The following SOX5 variants were observed in gnomAD, a reference collection of about 807,000 sequenced individuals.
SOX5 encodes SRY-box transcription factor 5, also known as transcription factor SOX-5.
SOX5 carries 9 observed loss-of-function variants against 92.0 expected under a neutral mutation model. That is an observed-to-expected ratio of 0.10 (90% CI 0.06 to 0.17). The LOEUF is 0.17. SOX5 is among the 10% of genes least tolerant of loss of function. SOX5 has a pLI of 1.00. For synonymous variants in SOX5, 344 were observed against 336.3 expected (o/e 1.02, Z -0.25); for missense variants, 642 against 944.5 (o/e 0.68, Z 4.20).
At chr12:24,227,701 T>G (rs952501032) in intron 3 of SOX5, 1 of 152,164 alleles carries the variant, frequency 6.6e-6, no homozygotes, top group African/African-American at 2.4e-5. Context: ...CATCTAATTA[T>G]CACATACAGG....
chr12:24,263,541 C>CAAAAAAAAAAAAAAAAA (rs528065569), intron 3 of SOX5, among the ~76,000 whole-genome samples: 1 of 112,032 alleles, frequency 8.9e-6, no homozygotes, highest in African/African-American at 3.5e-5. Flanking sequence ...AAAAAAAAAA[C>CAAAAAAAAAAAAAAAAA]AAAAAAAAAA....
chr12:24,399,703 A>G (rs1320981028), intron 1 of SOX5, among the ~76,000 whole-genome samples: 1 of 152,226 alleles, frequency 6.6e-6, no homozygotes, highest in Non-Finnish European at 1.5e-5. Flanking sequence ...GGAAGTATGC[A>G]TTTGGAAGCT....
At chr12:23,734,814 A>T (rs1296676695) in intron 5 of SOX5, 62 bp from the exon 6 acceptor site, 23 of 1,340,818 alleles carry the variant, frequency 1.7e-5, no homozygotes, top group Non-Finnish European at 2.4e-5. Context: ...GGAAGTTACT[A>T]ATGTTCTGTT....
chr12:23,887,917 A>ATGTGTGTG (rs61356582), intron 2 of SOX5, among the ~76,000 whole-genome samples: 40,440 of 144,550 alleles, frequency 0.28, 6,008 homozygotes, highest in East Asian at 0.49. Flanking sequence ...CAGTGTGTAT[A>ATGTGTGTG]TGTGTGTGTG....
At chr12:23,972,502 C>T (rs1009258791) in intron 4 of SOX5, among the ~76,000 whole-genome samples, 2 of 149,566 alleles carry the variant, frequency 1.3e-5, no homozygotes, top group East Asian at 2.0e-4. Flanking sequence ...GGATTACAGG[C>T]GCCCACCACT....
chr12:23,554,947 GAGA>G (rs1456642799), intron 11 of SOX5, among the ~76,000 whole-genome samples: 4 of 152,076 alleles, frequency 2.6e-5, no homozygotes, highest in African/African-American at 9.7e-5. Flanking sequence ...TGATCTTGAG[GAGA>G]AGAAGGAAAG....
intron 7 of SOX5, among the ~76,000 whole-genome samples, chr12:23,653,030 AGATGGATGGATGGATGGATG>A (rs377588371): frequency 8.6e-6 from 1 of 115,762 alleles, no homozygotes; most frequent in African/African-American, 3.4e-5. Flanking sequence ...ATGTACAGAT[AGATGGATGGATGGATGGATG>A]GATGGATGGA....
intron 4 of SOX5, among the ~76,000 whole-genome samples, chr12:23,974,793 A>T (rs1948730708): frequency 6.6e-6 from 1 of 152,194 alleles, no homozygotes; most frequent in African/African-American, 2.4e-5. Flanking sequence ...TGGTGATATG[A>T]AAATTAAGGA....
chr12:23,977,701 T>C (rs1949071596), intron 4 of SOX5, among the ~76,000 whole-genome samples: 1 of 148,846 alleles, frequency 6.7e-6, no homozygotes, highest in African/African-American at 2.5e-5. Context: ...TAAAAGGAGA[T>C]TGAAAGTGTT....
In SOX5 at chr12:24,468,439, G is replaced by A. The variant is rs1944453006; in HGVS notation, c.-251+93890C>T. Among the ~76,000 whole-genome samples, 3 of 152,028 alleles carry A rather than the reference G, an allele frequency of 2.0e-5. No homozygotes were observed. The South Asian group carries it at 6.2e-4, about 32-fold the overall frequency. Reference sequence around the variant, plus strand: ...AGCTCAGAGCATAATAAATACTATGGTAGTGCTAGGTTTTATAGATGTGAC... The same window carrying A: ...AGCTCAGAGCATAATAAATACTATGATAGTGCTAGGTTTTATAGATGTGAC... On this transcript the variant is annotated intron_variant, in intron 1 of 4. Coordinates refer to the SOX5 transcript ENST00000446891.
intron 4 of SOX5, among the ~76,000 whole-genome samples, chr12:24,025,551 A>G (rs889807773): frequency 6.6e-6 from 1 of 152,044 alleles, no homozygotes; most frequent in Non-Finnish European, 1.5e-5. Flanking sequence ...CTGGCCTTTT[A>G]ATATTCACAG....
intron 2 of SOX5, among the ~76,000 whole-genome samples, chr12:24,321,106 T>C (rs1391377594): frequency 6.6e-6 from 1 of 152,148 alleles, no homozygotes; most frequent in Admixed American, 6.5e-5. Flanking sequence ...TGTATGAGAA[T>C]GTTAGCCAGG....
At chr12:24,515,508 C>T (rs1439362197) in intron 1 of SOX5, among the ~76,000 whole-genome samples, 2 of 152,120 alleles carry the variant, frequency 1.3e-5, no homozygotes, top group South Asian at 4.1e-4. Context: ...TCTACCATAG[C>T]GTTTTCTCAC....
rs571603408 is a variant in SOX5, at chr12:23,862,672, C to T, written c.271-16479G>A. On this transcript the variant is annotated intron_variant, in intron 2 of 14. Coordinates refer to ENST00000451604, the MANE Select transcript of SOX5 (RefSeq NM_006940.6). ...GTACATTCCAACGAATAATAATTTA[C>T]GTTTTGCCTTATTCTTTCAATCTGA... Among the ~76,000 whole-genome samples the T allele has an allele frequency of 5.3e-5, 8 of 152,258 alleles. No homozygotes were observed. In the East Asian group the frequency reaches 5.8e-4, roughly 11 times the overall value.
chr12:23,598,852 G>A (rs1312184900), intron 9 of SOX5, among the ~76,000 whole-genome samples: 1 of 152,088 alleles, frequency 6.6e-6, no homozygotes, highest in Non-Finnish European at 1.5e-5. Context: ...ATAAAACATT[G>A]TCTCAAATTA....
intron 2 of SOX5, among the ~76,000 whole-genome samples, chr12:24,354,377 G>A (rs943591058): frequency 5.9e-5 from 9 of 152,380 alleles, no homozygotes; most frequent in East Asian, 1.9e-4. Context: ...TGCAGAAGGT[G>A]GGGGAGAAGG....
chr12:24,478,635 C>A (rs1312064910), intron 1 of SOX5, among the ~76,000 whole-genome samples: 1 of 152,130 alleles, frequency 6.6e-6, no homozygotes, highest in Non-Finnish European at 1.5e-5. Flanking sequence ...CAGTAGCATC[C>A]TTTTAGTTAC....
intron 7 of SOX5, among the ~76,000 whole-genome samples, chr12:23,663,721 C>T (rs1364262320): frequency 1.3e-5 from 2 of 151,430 alleles, no homozygotes; most frequent in East Asian, 1.9e-4. Context: ...AACAAAAAAC[C>T]TTCATGATTT....
intron 2 of SOX5, among the ~76,000 whole-genome samples, chr12:23,885,148 C>T (rs1248001901): frequency 1.3e-5 from 2 of 152,118 alleles, no homozygotes; most frequent in Admixed American, 1.3e-4. Context: ...CTCTCCTACT[C>T]CAGGATGTGT....
Sources: gnomAD v4.1 joint callset for allele counts (sites outside exome capture counted in the v4.1 genomes callset) on GRCh38, gnomAD v4.1.1 for gene constraint, MANE v1.5 for transcripts, NCBI Gene and HGNC (gene_info 2026-07-23, HGNC 2026-07-21) for gene names.